The following LAPTM4A variants were observed in gnomAD, a reference collection of about 807,000 sequenced individuals.
LAPTM4A encodes the protein lysosomal protein transmembrane 4 alpha.
Under a neutral mutation model 29.9 loss-of-function variants are expected in LAPTM4A, and 19 were observed. The observed-to-expected ratio is 0.64, with a 90% CI of 0.44 to 0.93. The LOEUF (loss-of-function observed/expected upper bound fraction) is 0.93, where lower values mean the gene tolerates loss of function less well. Ranked by LOEUF, LAPTM4A falls within the 40% of genes least tolerant of loss-of-function variation. LAPTM4A has a pLI of 0.00. For missense variants in LAPTM4A, 293 were observed against 288.5 expected, an observed-to-expected ratio of 1.02 and a Z score of -0.11; for synonymous variants, 105 against 102.1, an observed-to-expected ratio of 1.03 and a Z score of -0.17.
Position 20,035,036 on chromosome 2 carries a change from G to A in LAPTM4A, c.459C>T (p.Leu153=), listed in dbSNP as rs1673651222. The A allele has an allele frequency of 6.2e-7, 1 of 1,612,784 alleles. No homozygotes were observed. The highest frequency in any genetic ancestry group is 8.5e-7 in the Non-Finnish European group (1 of 1,179,070). The part of the protein sequence containing the change: ...QLPDFPYKDD[L]LALDSSCLLF... ...GGAGGCAGCTGGAGTCCAAGGCCAG[G>A]AGGTCATCTTTGTAGGGAAAATCAG... Residue 153 remains leucine (L), a synonymous_variant, in exon 5 of 7, where the codon CTC becomes CTT. Transcript: ENST00000175091.
chr2:20,036,813 G>A (rs1040332486), intron 4 of LAPTM4A, among the ~76,000 whole-genome samples: 5 of 152,134 alleles, frequency 3.3e-5, no homozygotes, highest in African/African-American at 9.7e-5. Flanking sequence ...GACAGCTCCC[G>A]CTTGTTATCA....
rs1673810492 is a variant in LAPTM4A at position 20,041,932 on chromosome 2, T to C, written c.112-921A>G. Among the ~76,000 whole-genome samples, 6 of 152,226 alleles carry C rather than the reference T, an allele frequency of 3.9e-5. No homozygotes were observed. The South Asian group carries it at 1.2e-3, about 31-fold the overall frequency. ...AATACTGTGTTCTCTAGAATAGACA[T>C]GCAGATCTTTAAGCCATTCCTCTGA... is the stretch of plus-strand genomic sequence containing the variant. On this transcript the variant is annotated intron_variant, in intron 1 of 6. Coordinates refer to ENST00000175091, the MANE Select transcript of LAPTM4A (RefSeq NM_014713.5).
chr2:20,048,547 T>G (rs1157391529), intron 1 of LAPTM4A, among the ~76,000 whole-genome samples: 1 of 152,220 alleles, frequency 6.6e-6, no homozygotes, highest in Admixed American at 6.5e-5. Context: ...GTAGAAGCCG[T>G]GGCTAGAAAG....
chr2:20,034,540 G>T, intron 5 of LAPTM4A, 125 bp from the exon 6 acceptor site: 1 of 705,630 alleles, frequency 1.4e-6, no homozygotes, highest in South Asian at 1.6e-5. Flanking sequence ...ACCTCTGTGT[G>T]GACCCAGCAC....
Position 20,037,545 on chromosome 2 carries a change from G to A in LAPTM4A, c.302C>T (p.Ala101Val). Residue 101 changes from alanine to valine, a missense_variant, in exon 3 of 7, where the codon GCA (alanine) becomes GTA (valine). Physicochemically the swap from Ala to Val is moderately conservative, Grantham distance 64. Transcript: ENST00000175091. ...AAAATACAGTATACTTACAGAAATT[G>A]CTCCATAAACCAGCATTGAACTGAT... Reference protein sequence around the residue: ...FIISSMLVYGAISYQVGWLIP... With the variant: ...FIISSMLVYGVISYQVGWLIP... 1 of 1,608,764 alleles carries A rather than the reference G, an allele frequency of 6.2e-7. No individual in the cohort carries two copies. The highest frequency in any genetic ancestry group is 2.2e-5 in the East Asian group (1 of 44,822).
chr2:20,037,442 G>C lies in LAPTM4A; in HGVS notation c.310-4C>G, dbSNP rs758609764. On this transcript the variant is annotated splice_region_variant and splice_polypyrimidine_tract_variant and intron_variant, in intron 3 of 6. Coordinates refer to ENST00000175091, the MANE Select transcript of LAPTM4A (RefSeq NM_014713.5). ...GAATCAGCCAACCCACTTGATACTG[G>C]AGAAAAAATAACAACCATAACATTG... The C allele has an allele frequency of 6.2e-7, 1 of 1,605,920 alleles. No individual in the cohort carries two copies. The highest frequency in any genetic ancestry group is 8.5e-7 in the Non-Finnish European group (1 of 1,177,782).
Position 20,051,522 on chromosome 2 carries a change from G to T in LAPTM4A, c.-2C>A. The T allele has an allele frequency of 1.3e-6, 2 of 1,580,860 alleles. No individual in the cohort carries two copies. Among genetic ancestry groups the T allele is most frequent in the Non-Finnish European group, 1.7e-6 (2 of 1,158,298 alleles). ...CCGCTTGAAACTCATGGACACCATC[G>T]TAACAGGCGGGCCTCCTTCTTGGCC... On this transcript the variant is annotated 5_prime_UTR_variant, in exon 1 of 7. Coordinates refer to ENST00000175091, the MANE Select transcript of LAPTM4A (RefSeq NM_014713.5).
At chr2:20,033,367 A>T in intron 6 of LAPTM4A, 88 bp from the exon 7 acceptor site, 1 of 1,010,944 alleles carries the variant, frequency 9.9e-7, no homozygotes, top group East Asian at 2.4e-5. Flanking sequence ...TATGCCCTAA[A>T]TAGGGTTATA....
At chr2:20,034,187 C>G in intron 6 of LAPTM4A, 130 bp downstream of exon 6, 1 of 712,288 alleles carries the variant, frequency 1.4e-6, no homozygotes, top group Non-Finnish European at 2.5e-6. Context: ...TTAAGCTGTT[C>G]ATAAAAGTAC....
At position 20,037,596 on chromosome 2, in the gene LAPTM4A, A is replaced by T; in HGVS notation, c.251T>A (p.Phe84Tyr). Residue 84 changes from phenylalanine (F) to tyrosine (Y), a missense_variant, in exon 3 of 7, where the codon TTT becomes TAT. By Grantham distance (22) the Phe-to-Tyr change is conservative. Coordinates refer to ENST00000175091, the MANE Select transcript of LAPTM4A (RefSeq NM_014713.5). Reference sequence around the variant, plus strand: ...TATAAACATAAGAACAGAGACGGCAAAAAGAACACAGGCATTATCTAAGAA... The same window carrying T: ...TATAAACATAAGAACAGAGACGGCATAAAGAACACAGGCATTATCTAAGAA... Reference protein sequence around the residue: ...ERMADNACVLFAVSVLMFIIS... With the variant: ...ERMADNACVLYAVSVLMFIIS... 6.2e-7 allele frequency: 1 copy of T among 1,607,830 alleles called. No homozygotes were observed. The highest frequency in any genetic ancestry group is 1.1e-5 in the South Asian group (1 of 89,668).
At chr2:20,040,349 G>T (rs749730428) in intron 2 of LAPTM4A, among the ~76,000 whole-genome samples, 5 of 152,150 alleles carry the variant, frequency 3.3e-5, no homozygotes, top group African/African-American at 4.8e-5. Context: ...AATCCTCACT[G>T]AATCTCTCTG....
intron 4 of LAPTM4A, 174 bp from the exon 5 acceptor site, chr2:20,035,236 A>G: frequency 1.7e-6 from 1 of 586,180 alleles, no homozygotes; most frequent in Non-Finnish European, 3.1e-6. Context: ...TATCACCATT[A>G]ATGCATGCTA....
intron 1 of LAPTM4A, among the ~76,000 whole-genome samples, chr2:20,049,773 T>C (rs1147119): frequency 0.73 from 111,226 of 152,126 alleles, 41,783 homozygotes; most frequent in East Asian, 0.91. Flanking sequence ...GAGAGCCAGG[T>C]CGATGGATTC....
rs1673702366 is a variant in LAPTM4A at position 20,037,437 on chromosome 2, T to C, written c.311A>G (p.Tyr104Cys). 23 of 1,607,488 alleles carry C rather than the reference T, an allele frequency of 1.4e-5. No homozygotes were observed. The highest frequency in any genetic ancestry group is 2.0e-5 in the Non-Finnish European group (23 of 1,178,236). Residue 104 changes from tyrosine (Y) to cysteine (C), a missense_variant and splice_region_variant, in exon 4 of 7, where the codon TAT becomes TGT. By Grantham distance (194) the Tyr-to-Cys change is radical. Transcript: ENST00000175091. ...GAATGGAATCAGCCAACCCACTTGA[T>C]ACTGGAGAAAAAATAACAACCATAA... ...SSMLVYGAIS[Y>C]QVGWLIPFFC... is the part of the protein sequence containing the mutation.
chr2:20,048,969 T>C lies in LAPTM4A; in HGVS notation c.111+2441A>G, dbSNP rs140226456. Among the ~76,000 whole-genome samples, 68 of 152,364 alleles carry C rather than the reference T, an allele frequency of 4.5e-4. 1 individual carries two copies. In the East Asian group the frequency reaches 0.011, roughly 25 times the overall value. The stretch of plus-strand genomic sequence containing the variant: ...CACTGCTATGGTATTCAAGCTACTC[T>C]TTTGAAAGTCATCAACAAAACTATA... On this transcript the variant is annotated intron_variant, in intron 1 of 6. Transcript: ENST00000175091.
chr2:20,036,119 G>T (rs537181376), intron 4 of LAPTM4A, among the ~76,000 whole-genome samples: 2 of 152,288 alleles, frequency 1.3e-5, no homozygotes, highest in South Asian at 2.1e-4. Context: ...GGCACCACTT[G>T]AAATTTCTCC....
intron 2 of LAPTM4A, among the ~76,000 whole-genome samples, chr2:20,039,553 A>G (rs1482506565): frequency 6.6e-6 from 1 of 151,996 alleles, no homozygotes; most frequent in Non-Finnish European, 1.5e-5. Context: ...CGGGAGCTCA[A>G]GACCAGCCTG....
chr2:20,038,951 C>G (rs748835618), intron 2 of LAPTM4A, among the ~76,000 whole-genome samples: 2 of 151,722 alleles, frequency 1.3e-5, no homozygotes, highest in Non-Finnish European at 2.9e-5. Flanking sequence ...GACAATCTCA[C>G]TGTCACCCAG....
At chr2:20,049,422 G>T (rs536203931) in intron 1 of LAPTM4A, among the ~76,000 whole-genome samples, 1 of 152,306 alleles carries the variant, frequency 6.6e-6, no homozygotes, top group South Asian at 2.1e-4. Context: ...GTCTTCAGAG[G>T]TATGTGAACC....
Sources: allele counts gnomAD v4.1 joint callset (sites outside exome capture counted in the v4.1 genomes callset), GRCh38; gene constraint gnomAD v4.1.1; transcripts MANE v1.5; gene names NCBI Gene and HGNC (gene_info 2026-07-23, HGNC 2026-07-21).